Variants in CSGALNACT1 observed in about 807,000 individuals in gnomAD.
The protein encoded by CSGALNACT1 is beta4GalNAcT-1.
CSGALNACT1 carries 52 observed loss-of-function variants against 51.0 expected under a neutral mutation model. The ratio of observed to expected loss-of-function variants is 1.02; its 90% CI spans 0.82 to 1.29. CSGALNACT1 has a LOEUF of 1.29. Ranked by LOEUF, CSGALNACT1 falls within the 50% of genes most tolerant of loss-of-function variation. The pLI is 0.00. For synonymous variants in CSGALNACT1, 341 were observed against 254.4 expected, an observed-to-expected ratio of 1.34 and a Z score of -3.24; for missense variants, 935 against 679.2, an observed-to-expected ratio of 1.38 and a Z score of -4.19.
intron 1 of CSGALNACT1, among the ~76,000 whole-genome samples, chr8:19,621,263 A>G (rs2053787389): frequency 6.6e-6 from 1 of 152,224 alleles, no homozygotes; most frequent in South Asian, 2.1e-4. Context: ...TTTAACAGCC[A>G]GATTGATGAG....
chr8:19,571,282 C>G (rs1048082628), intron 3 of CSGALNACT1, among the ~76,000 whole-genome samples: 1 of 152,100 alleles, frequency 6.6e-6, no homozygotes, highest in Admixed American at 6.5e-5. Flanking sequence ...TCCGATATAA[C>G]TAAGACACTC....
Position 19,694,303 on chromosome 8 carries a change from T to C in CSGALNACT1, c.-297+63547A>G, listed in dbSNP as rs184964295. Among the ~76,000 whole-genome samples the C allele has an allele frequency of 9.2e-5, 14 of 152,274 alleles. No individual in the cohort carries two copies. In the South Asian group the frequency reaches 1.7e-3, roughly 18 times the overall value. ...TTGGCAGCTACCCACATAAGTGTAG[T>C]AAGTACAGTATAATGACAGTCCTCC... On this transcript the variant is annotated intron_variant, in intron 1 of 1. Coordinates refer to the CSGALNACT1 transcript ENST00000517494.
At chr8:19,508,303 T>C (rs2077767830) in intron 3 of CSGALNACT1, among the ~76,000 whole-genome samples, 1 of 152,236 alleles carries the variant, frequency 6.6e-6, no homozygotes, top group African/African-American at 2.4e-5. Context: ...GATGTGCCTT[T>C]TAGTGATATC....
intron 5 of CSGALNACT1, among the ~76,000 whole-genome samples, chr8:19,456,473 C>T (rs745330974): frequency 6.6e-6 from 1 of 152,190 alleles, no homozygotes; most frequent in Non-Finnish European, 1.5e-5. Context: ...TCACTTAATG[C>T]CTAATGCAAA....
At chr8:19,562,746 G>A (rs1281834495) in intron 3 of CSGALNACT1, among the ~76,000 whole-genome samples, 1 of 152,204 alleles carries the variant, frequency 6.6e-6, no homozygotes, top group Non-Finnish European at 1.5e-5. Context: ...CCTCATGCCA[G>A]TCAGAATGGT....
At chr8:19,446,948 G>A (rs2062229166) in intron 5 of CSGALNACT1, among the ~76,000 whole-genome samples, 1 of 152,200 alleles carries the variant, frequency 6.6e-6, no homozygotes, top group South Asian at 2.1e-4. Context: ...AGAGTATGGA[G>A]AGTACAGAGG....
In CSGALNACT1 at chr8:19,456,602, G is replaced by C. The variant is rs376955464; in HGVS notation, c.851+1824C>G. ...CAAAGGGAAAACCTACAGAGAAAGAGAGCAAAAACACTAAAAGAAGGTTGA... is the reference window on the plus strand; with the variant it reads ...CAAAGGGAAAACCTACAGAGAAAGACAGCAAAAACACTAAAAGAAGGTTGA... On this transcript the variant is annotated intron_variant, in intron 5 of 9. Coordinates refer to ENST00000454498, the Ensembl canonical transcript of CSGALNACT1. 1.4e-4 allele frequency among the ~76,000 whole-genome samples: 21 copies of C among 152,314 alleles called. No homozygotes were observed. In the East Asian group the frequency reaches 3.7e-3, roughly 27 times the overall value.
chr8:19,427,970 G>C (rs1248541476), intron 6 of CSGALNACT1, among the ~76,000 whole-genome samples: 1 of 152,126 alleles, frequency 6.6e-6, no homozygotes, highest in South Asian at 2.1e-4. Context: ...CGTAGGTGTA[G>C]GATAAGACAC....
rs1176387466 is a variant in CSGALNACT1, at chr8:19,757,116, T to TCTGCCGGCGCCA, written c.-297+722_-297+733dup. On this transcript the variant is annotated intron_variant, in intron 1 of 1. Coordinates refer to the CSGALNACT1 transcript ENST00000517494. This position sits in a 1 kb window ranked among gnomAD's most constrained non-coding sequence, Gnocchi z 4.0. ...AGCTAGGCGCGCGGGGCTGTGGGGA[T>TCTGCCGGCGCCA]CTGCCGGCGCCACTGACGCCCCCGC... 6.7e-6 allele frequency: 1 copy of TCTGCCGGCGCCA among 149,692 alleles called. No individual in the cohort carries two copies. The highest frequency in any genetic ancestry group is 2.4e-5 in the African/African-American group (1 of 41,088). 9.3% of individuals were successfully genotyped at this position (149,692 alleles called of 1,614,324 possible).
At chr8:19,532,297 AAAC>A (rs2082928141) in intron 3 of CSGALNACT1, among the ~76,000 whole-genome samples, 1 of 152,114 alleles carries the variant, frequency 6.6e-6, no homozygotes, top group Admixed American at 6.6e-5. Context: ...CCTCCTCCCA[AAAC>A]AACAATTATC....
At chr8:19,733,080 G>A (rs1049406312) in intron 1 of CSGALNACT1, among the ~76,000 whole-genome samples, 2 of 152,088 alleles carry the variant, frequency 1.3e-5, no homozygotes, top group Non-Finnish European at 2.9e-5. Context: ...GGATTTCTGA[G>A]GATTAATAAA....
rs61695239 is a variant in CSGALNACT1, at chr8:19,727,327, A to ATTTGGTTTGG, written c.-297+30513_-297+30522dup. On this transcript the variant is annotated intron_variant, in intron 1 of 1. Coordinates refer to the CSGALNACT1 transcript ENST00000517494. ...ACAAAATTGTGTTTTGTTTTGTTTGATTTGGTTTGGTTTGGTTTGGTTTGG... is the reference window on the plus strand; with the variant it reads ...ACAAAATTGTGTTTTGTTTTGTTTGATTTGGTTTGGTTTGGTTTGGTTTGGTTTGGTTTGG... Among the ~76,000 whole-genome samples the ATTTGGTTTGG allele has an allele frequency of 4.4e-3, 667 of 150,978 alleles. 3 individuals are homozygous for ATTTGGTTTGG. Among genetic ancestry groups the ATTTGGTTTGG allele is most frequent in the Middle Eastern group, 0.021 (6 of 288 alleles).
intron 3 of CSGALNACT1, among the ~76,000 whole-genome samples, chr8:19,519,373 A>G (rs528012309): frequency 6.6e-6 from 1 of 152,318 alleles, no homozygotes; most frequent in East Asian, 1.9e-4. Context: ...CCATATCCTG[A>G]AGCACCATCA....
chr8:19,621,644 G>A (rs1338298578), intron 1 of CSGALNACT1, among the ~76,000 whole-genome samples: 3 of 151,956 alleles, frequency 2.0e-5, no homozygotes, highest in Non-Finnish European at 2.9e-5. Flanking sequence ...AGCCAGGTGT[G>A]GTGGCAAGCA....
chr8:19,679,027 G>C (rs1271118350), intron 1 of CSGALNACT1, among the ~76,000 whole-genome samples: 1 of 152,128 alleles, frequency 6.6e-6, no homozygotes, highest in East Asian at 1.9e-4. Flanking sequence ...TATGAATAAG[G>C]AAACAGTCTT....
At position 19,501,177 on chromosome 8, in the gene CSGALNACT1, G is replaced by A. The variant is rs1380856108; in HGVS notation, c.634+4024C>T. On this transcript the variant is annotated intron_variant, in intron 4 of 9. Coordinates refer to ENST00000454498, the Ensembl canonical transcript of CSGALNACT1. ...AGGCAGGAGAATCCCCCGAAACTGG[G>A]AGACAGAGGTTGAAGTGAGCTGAGA... 2.0e-5 allele frequency among the ~76,000 whole-genome samples: 3 copies of A among 151,398 alleles called. No homozygotes were observed. The East Asian group carries it at 5.8e-4, about 29-fold the overall frequency.
At chr8:19,714,025 C>T (rs573795158) in intron 1 of CSGALNACT1, among the ~76,000 whole-genome samples, 1 of 152,308 alleles carries the variant, frequency 6.6e-6, no homozygotes, top group South Asian at 2.1e-4. Context: ...TCCACATCCT[C>T]CTCTCTGCAC....
chr8:19,698,386 TG>T (rs1448588369), intron 1 of CSGALNACT1, among the ~76,000 whole-genome samples: 1 of 152,252 alleles, frequency 6.6e-6, no homozygotes, highest in Non-Finnish European at 1.5e-5. Flanking sequence ...TTCATGCTTT[TG>T]CTCTCATGGG....
rs372924056 is a variant in CSGALNACT1 at position 19,666,883 on chromosome 8, A to AAG, written c.-544+15588_-544+15589dup. ...AAAGAAAGAAAGAAAGAAAGAAAGA[A>AAG]AGAGAGAGAGGAAGTGAGGAAGGGA... On this transcript the variant is annotated intron_variant, in intron 1 of 9. Coordinates refer to the CSGALNACT1 transcript ENST00000332246. 3.4e-3 allele frequency among the ~76,000 whole-genome samples: 330 copies of AAG among 97,202 alleles called. 24 individuals are homozygous for AAG. Among genetic ancestry groups the AAG allele is most frequent in the Middle Eastern group, 0.01 (2 of 196 alleles). 63.8% of individuals were successfully genotyped at this position (97,202 alleles called of 152,430 possible).
Sources: allele counts gnomAD v4.1 joint callset (sites outside exome capture counted in the v4.1 genomes callset), GRCh38; gene constraint gnomAD v4.1.1; non-coding constraint Gnocchi (gnomAD v3.1); transcripts MANE v1.5; gene names NCBI Gene and HGNC (gene_info 2026-07-23, HGNC 2026-07-21).